The following TMEM131 variants were observed in gnomAD, a reference collection of about 807,000 sequenced individuals.
TMEM131 encodes the protein transmembrane protein 131.
A neutral mutation model predicts 211.6 loss-of-function variants in TMEM131; 66 were observed. That is an observed-to-expected ratio of 0.31 (90% CI 0.26 to 0.38). TMEM131 has a LOEUF of 0.38. Among genes scored for constraint, TMEM131 ranks in the 10% least tolerant of loss-of-function variants. The probability of loss-of-function intolerance (pLI) is 1.00; values close to 1 mark genes in which losing one functional copy is unlikely to be tolerated. For missense variants in TMEM131, 2,036 were observed against 2,299.3 expected, an observed-to-expected ratio of 0.89 and a Z score of 2.34; for synonymous variants, 844 against 841.3, an observed-to-expected ratio of 1.00 and a Z score of -0.06.
rs751900790 is a variant in TMEM131 at position 97,792,758 on chromosome 2, T to A, written c.3772A>T (p.Asn1258Tyr). ...TCTAAGACAAGGGGGCTTGTTTTGT[T>A]AGCAGACTGTGAAGAAGCTGCTTGA... ...SAQAASSQSA[N>Y]KTSPLVLDSN... Residue 1258 changes from asparagine to tyrosine, a missense_variant, in exon 31 of 41, where the codon AAC becomes TAC. Physicochemically the swap from Asn to Tyr is moderately radical, Grantham distance 143 (BLOSUM62 -2). This residue lies in a region of TMEM131 where 1,623 missense variants were observed against 1,805.9 expected (regional missense o/e 0.90). Transcript: ENST00000186436. 24 of 1,613,910 alleles carry A rather than the reference T, an allele frequency of 1.5e-5. 1 individual carries two copies. The Middle Eastern group carries it at 4.9e-4, about 33-fold the overall frequency.
chr2:97,818,415 T>C (rs1681936487), intron 12 of TMEM131, among the ~76,000 whole-genome samples, 198 bp downstream of exon 12: 1 of 137,412 alleles, frequency 7.3e-6, no homozygotes, highest in Non-Finnish European at 1.5e-5. Context: ...AAAGTTGTGG[T>C]ATTTTCTCTC....
chr2:97,938,999 T>C (rs1677583335), intron 1 of TMEM131, among the ~76,000 whole-genome samples: 1 of 152,116 alleles, frequency 6.6e-6, no homozygotes, highest in Admixed American at 6.5e-5. Context: ...AGACACAACA[T>C]ACCAGAATCT....
In TMEM131 at chr2:97,888,036, A is replaced by G; in HGVS notation, c.359+16T>C. On this transcript the variant is annotated intron_variant, in intron 4 of 40. Transcript: ENST00000186436. ...TAGTTTAATGGGAAAGTACAGTCCAAAAATTTTAAACTTACTGTTCATGGA... is the reference window on the plus strand; with the variant it reads ...TAGTTTAATGGGAAAGTACAGTCCAGAAATTTTAAACTTACTGTTCATGGA... 1 of 1,609,476 alleles carries G rather than the reference A, an allele frequency of 6.2e-7. No individual in the cohort carries two copies. Among genetic ancestry groups the G allele is most frequent in the Non-Finnish European group, 8.5e-7 (1 of 1,176,634 alleles).
At chr2:97,842,517 T>TA (rs11390190) in intron 6 of TMEM131, among the ~76,000 whole-genome samples, 114,254 of 150,460 alleles carry the variant, frequency 0.76, 44,957 homozygotes, top group African/African-American at 0.87. Flanking sequence ...TAAAAAGATT[T>TA]AAAAAAAAAA....
intron 1 of TMEM131, among the ~76,000 whole-genome samples, chr2:97,948,240 ACT>A (rs1017027994): frequency 2.0e-5 from 3 of 152,188 alleles, no homozygotes; most frequent in African/African-American, 7.2e-5. Context: ...CTCAAAAGAC[ACT>A]GTTACAAAAG....
intron 18 of TMEM131, among the ~76,000 whole-genome samples, chr2:97,810,919 T>C (rs2278700): frequency 0.33 from 50,748 of 152,088 alleles, 9,324 homozygotes; most frequent in Non-Finnish European, 0.39. Flanking sequence ...GAAGTTGCTT[T>C]TTAGGTTAGG....
At chr2:97,793,907 T>C (rs1225387036) in intron 29 of TMEM131, among the ~76,000 whole-genome samples, 2 of 132,554 alleles carry the variant, frequency 1.5e-5, no homozygotes, top group African/African-American at 2.9e-5. Flanking sequence ...GGCAGGAGAA[T>C]GGCATGAACC....
chr2:97,792,546 G>C lies in TMEM131; in HGVS notation c.3984C>G (p.His1328Gln). The C allele has an allele frequency of 6.2e-7, 1 of 1,613,520 alleles. No individual in the cohort carries two copies. ...TGCTGGCACGTTCTGGGTGGGAAGG[G>C]TGTGCGAGGGGGGCGGGAGACAGCC... Reference protein sequence around the residue: ...PERLSPAPLAHPSHPERASSA... With the variant: ...PERLSPAPLAQPSHPERASSA... Residue 1328 changes from histidine (H) to glutamine (Q), a missense_variant, in exon 31 of 41, where the codon CAC becomes CAG. Physicochemically the swap from His to Gln is conservative, Grantham distance 24 (BLOSUM62 0). This residue lies in a region of TMEM131 where 1,623 missense variants were observed against 1,805.9 expected (regional missense o/e 0.90). Transcript: ENST00000186436.
At chr2:97,759,857 G>T in intron 38 of TMEM131, 108 bp from the exon 39 acceptor site, 1 of 764,826 alleles carries the variant, frequency 1.3e-6, no homozygotes, top group East Asian at 2.7e-5. Context: ...TCAACTGGGG[G>T]TACTCAAATA....
chr2:97,775,485 T>C (rs1266336458), intron 32 of TMEM131, among the ~76,000 whole-genome samples: 3 of 152,230 alleles, frequency 2.0e-5, no homozygotes, highest in Non-Finnish European at 4.4e-5. Context: ...TTCCTTCTCA[T>C]TCTTTTGATC....
In TMEM131 at chr2:97,796,472, T is replaced by C. The variant is rs901369990; in HGVS notation, c.3014-68A>G. The C allele has an allele frequency of 4.1e-6, 4 of 979,334 alleles. No individual in the cohort carries two copies. The Admixed American group carries it at 1.3e-4, about 31-fold the overall frequency. The allele number at this position is 979,334 out of a possible 1,614,324, so 60.7% of individuals were successfully genotyped here. A position where few individuals can be genotyped will look rare whatever the true frequency, so the allele number is the denominator to read the frequency against. On this transcript the variant is annotated intron_variant, in intron 27 of 40. Coordinates refer to ENST00000186436, the MANE Select transcript of TMEM131 (RefSeq NM_015348.2). ...ATGTGCTCCCAGTCCAAATGATAAA[T>C]ACATTATTCATGAATTACTATATGT...
chr2:97,901,104 T>C (rs1033437852), intron 3 of TMEM131, among the ~76,000 whole-genome samples: 3 of 152,152 alleles, frequency 2.0e-5, no homozygotes, highest in African/African-American at 7.2e-5. Context: ...CCTTCAAAAA[T>C]ATGAAAATAC....
chr2:97,943,286 GA>G (rs1677886215), intron 1 of TMEM131, among the ~76,000 whole-genome samples: 1 of 152,024 alleles, frequency 6.6e-6, no homozygotes, highest in Non-Finnish European at 1.5e-5. Flanking sequence ...AAACTCAAGA[GA>G]AAACATCACG....
At chr2:97,937,180 T>C (rs1677484466) in intron 1 of TMEM131, among the ~76,000 whole-genome samples, 1 of 151,938 alleles carries the variant, frequency 6.6e-6, no homozygotes, top group African/African-American at 2.4e-5. Flanking sequence ...AACTAAAGTA[T>C]GAGAACAACG....
chr2:97,973,308 G>A (rs541637549), intron 1 of TMEM131, among the ~76,000 whole-genome samples: 2 of 152,236 alleles, frequency 1.3e-5, no homozygotes, highest in African/African-American at 2.4e-5. Flanking sequence ...AAACTCACAC[G>A]AACTGCATTA....
chr2:97,776,060 T>TC, intron 31 of TMEM131, 42 bp from the exon 32 acceptor site: 1 of 1,575,700 alleles, frequency 6.3e-7, no homozygotes, highest in Non-Finnish European at 8.6e-7. Context: ...TGTTTTTGTT[T>TC]CTTTTTTTTT....
At chr2:97,900,583 C>A (rs1675811790) in intron 3 of TMEM131, among the ~76,000 whole-genome samples, 1 of 151,850 alleles carries the variant, frequency 6.6e-6, no homozygotes, top group South Asian at 2.1e-4. Flanking sequence ...CACACATACA[C>A]CCCCACATTT....
In TMEM131 at chr2:97,834,802, G is replaced by C; in HGVS notation, c.928C>G (p.Leu310Val). The C allele has an allele frequency of 6.2e-7, 1 of 1,613,662 alleles. No individual in the cohort carries two copies. Among genetic ancestry groups the C allele is most frequent in the Non-Finnish European group, 8.5e-7 (1 of 1,179,752 alleles). The change falls in exon 9 of 41, where the codon CTT becomes GTT. Residue 310 changes from leucine to valine, a missense_variant. Transcript: ENST00000186436. Reference protein sequence around the residue: ...NASDSTEFIILPVEVEVTTAP... With the variant: ...NASDSTEFIIVPVEVEVTTAP... The stretch of plus-strand genomic sequence containing the variant: ...GTTGTAACTTCAACCTCAACAGGAA[G>C]AATGATAAACTCTGTGCTGTCTGAA...
intron 2 of TMEM131, among the ~76,000 whole-genome samples, chr2:97,919,087 G>T (rs1239669888): frequency 6.6e-6 from 1 of 152,108 alleles, no homozygotes; most frequent in Non-Finnish European, 1.5e-5. Flanking sequence ...CAAAAGAAAC[G>T]TTCCAAAACT....
Sources: allele counts gnomAD v4.1 joint callset (sites outside exome capture counted in the v4.1 genomes callset), GRCh38; gene constraint gnomAD v4.1.1; regional missense constraint gnomAD v4.1.1; transcripts MANE v1.5; gene names NCBI Gene and HGNC (gene_info 2026-07-23, HGNC 2026-07-21).